The following RORA variants were observed in gnomAD, a reference collection of about 807,000 sequenced individuals.
The protein encoded by RORA is nuclear receptor ROR-alpha.
In RORA, 7 loss-of-function variants were observed where a neutral mutation model predicts 69.5. The ratio of observed to expected loss-of-function variants is 0.10; its 90% confidence interval spans 0.06 to 0.19. RORA has a LOEUF of 0.19. RORA is among the 10% of genes least tolerant of loss of function. The pLI, the probability that RORA is intolerant of heterozygous loss-of-function variation, is 1.00. For synonymous variants in RORA, 261 were observed against 240.8 expected (o/e 1.08, Z -0.78); for missense variants, 457 against 663.0 (o/e 0.69, Z 3.41).
intron 1 of RORA, among the ~76,000 whole-genome samples, chr15:60,808,633 T>C (rs2072694080): frequency 6.6e-6 from 1 of 151,308 alleles, no homozygotes; most frequent in Non-Finnish European, 1.5e-5. Flanking sequence ...GCGGCACATT[T>C]TACAATTGCA....
At chr15:60,706,887 CAAATT>C (rs886667074) in intron 1 of RORA, among the ~76,000 whole-genome samples, 1 of 152,196 alleles carries the variant, frequency 6.6e-6, no homozygotes, top group Admixed American at 6.5e-5. Flanking sequence ...AAAATTCAGT[CAAATT>C]AACAAACTAG....
At chr15:60,571,095 T>C (rs1432358776) in intron 2 of RORA, among the ~76,000 whole-genome samples, 1 of 152,222 alleles carries the variant, frequency 6.6e-6, no homozygotes, top group Non-Finnish European at 1.5e-5. Context: ...TAATCAATTC[T>C]GGAAATGTTT....
chr15:61,074,187 G>A (rs568687061), intron 1 of RORA, among the ~76,000 whole-genome samples: 5 of 152,264 alleles, frequency 3.3e-5, no homozygotes, highest in South Asian at 4.2e-4. Context: ...CCTTGTGAAC[G>A]CTTGAGAGGA....
intron 1 of RORA, among the ~76,000 whole-genome samples, chr15:60,882,814 C>G (rs1270500446): frequency 6.6e-6 from 1 of 152,100 alleles, no homozygotes; most frequent in African/African-American, 2.4e-5. Context: ...TTTTGCTTTA[C>G]AATAAGTACT....
intron 1 of RORA, among the ~76,000 whole-genome samples, chr15:60,879,073 G>A (rs111927268): frequency 2.0e-4 from 31 of 152,084 alleles, no homozygotes; most frequent in African/African-American, 7.2e-4. Context: ...GGTCTTCTTG[G>A]CTCCCAAGGT....
intron 1 of RORA, among the ~76,000 whole-genome samples, chr15:60,696,636 T>C (rs1027447913): frequency 6.6e-6 from 1 of 152,186 alleles, no homozygotes; most frequent in African/African-American, 2.4e-5. Context: ...ATTGGGTGCT[T>C]CTGCTTACAC....
chr15:60,677,927 C>T (rs2070577902), intron 2 of RORA, among the ~76,000 whole-genome samples: 1 of 152,214 alleles, frequency 6.6e-6, no homozygotes, highest in Non-Finnish European at 1.5e-5. Context: ...TGGTCAATTA[C>T]AGTGAAAGTT....
intron 1 of RORA, among the ~76,000 whole-genome samples, chr15:61,005,964 G>A (rs1047101158): frequency 5.4e-5 from 6 of 111,756 alleles, no homozygotes; most frequent in African/African-American, 1.9e-4. Context: ...TGTTTGTTTT[G>A]TTTTGTTTTG....
rs2079361227 is a variant in RORA, at chr15:61,147,662, G to C, written c.166+81391C>G. On this transcript the variant is annotated intron_variant, in intron 1 of 10. Transcript: ENST00000335670. The surrounding 1 kb of genome is among the most constrained non-coding windows in gnomAD (Gnocchi z 4.1). ...AGTAAACAAGAGGCTTGCTTGACCA[G>C]GTGACACTCTTCACATTTCTAAGCC... Among the ~76,000 whole-genome samples, 1 of 152,184 alleles carries C rather than the reference G, an allele frequency of 6.6e-6. No homozygotes were observed. Among genetic ancestry groups the C allele is most frequent in the African/African-American group, 2.4e-5 (1 of 41,444 alleles).
Position 61,021,016 on chromosome 15 carries a change from T to C in RORA, c.166+208037A>G, listed in dbSNP as rs183582275. On this transcript the variant is annotated intron_variant, in intron 1 of 10. Transcript: ENST00000335670. The stretch of plus-strand genomic sequence containing the variant: ...GGGGGCAGATGGCTTTGTGCTTTGC[T>C]TCACTGGTTGTACAAGGTCAGGGAT... 4.6e-5 allele frequency among the ~76,000 whole-genome samples: 7 copies of C among 152,344 alleles called. No homozygotes were observed. In the East Asian group the frequency reaches 1.2e-3, roughly 25 times the overall value.
intron 2 of RORA, among the ~76,000 whole-genome samples, chr15:60,560,767 G>A (rs933845642): frequency 9.2e-5 from 14 of 152,134 alleles, no homozygotes; most frequent in African/African-American, 3.1e-4. Context: ...TGGGCAATTT[G>A]TCCATTTTTT....
chr15:60,730,975 G>T (rs1339121199), intron 1 of RORA, among the ~76,000 whole-genome samples: 1 of 152,004 alleles, frequency 6.6e-6, no homozygotes, highest in Non-Finnish European at 1.5e-5. Context: ...TCGGGGGGTT[G>T]TTGTACGGAA....
intron 1 of RORA, among the ~76,000 whole-genome samples, chr15:61,085,700 T>C (rs2078615006): frequency 6.6e-6 from 1 of 152,182 alleles, no homozygotes; most frequent in South Asian, 2.1e-4. Context: ...TATTTGGCCC[T>C]GGTCATGTGA....
chr15:60,529,884 A>C (rs754403000), intron 3 of RORA: 1 of 152,154 alleles, frequency 6.6e-6, no homozygotes, highest in Non-Finnish European at 1.5e-5. Context: ...GTCAATTCCT[A>C]GATAATCACT....
chr15:60,556,171 AG>A (rs2067354138), intron 2 of RORA, among the ~76,000 whole-genome samples: 1 of 152,206 alleles, frequency 6.6e-6, no homozygotes, highest in Non-Finnish European at 1.5e-5. Flanking sequence ...CTGGCATTTC[AG>A]GTGAGTGTTT....
In RORA at chr15:60,535,209, A is replaced by G. The variant is rs540409953; in HGVS notation, c.197-3358T>C. On this transcript the variant is annotated intron_variant, in intron 2 of 10. Coordinates refer to ENST00000335670, the MANE Select transcript of RORA (RefSeq NM_134261.3). ...AGCACTACTGTCAACGTTCACAAGT[A>G]TATTGATTAAATTAGCCCACATACA... Among the ~76,000 whole-genome samples the G allele has an allele frequency of 9.8e-5, 15 of 152,338 alleles. No individual in the cohort carries two copies. In the South Asian group the frequency reaches 3.1e-3, roughly 32 times the overall value.
At chr15:60,962,296 C>T (rs932324570) in intron 1 of RORA, among the ~76,000 whole-genome samples, 1 of 152,152 alleles carries the variant, frequency 6.6e-6, no homozygotes, top group East Asian at 1.9e-4. Context: ...CCTGATGCAG[C>T]CTTTAACTCA....
intron 3 of RORA, among the ~76,000 whole-genome samples, chr15:60,515,441 T>C (rs1446349513): frequency 6.6e-6 from 1 of 152,154 alleles, no homozygotes; most frequent in Non-Finnish European, 1.5e-5. Context: ...GTTCCTCTCG[T>C]GTCAAGTGCT....
At chr15:60,870,190 C>T (rs1175147859) in intron 1 of RORA, among the ~76,000 whole-genome samples, 2 of 152,170 alleles carry the variant, frequency 1.3e-5, no homozygotes, top group Non-Finnish European at 2.9e-5. Flanking sequence ...GCTATTTATT[C>T]AGAGAGTTAT....
Sources: allele counts gnomAD v4.1 joint callset (sites outside exome capture counted in the v4.1 genomes callset), GRCh38; gene constraint gnomAD v4.1.1; non-coding constraint Gnocchi (gnomAD v3.1); transcripts MANE v1.5; gene names NCBI Gene and HGNC (gene_info 2026-07-23, HGNC 2026-07-21).